GPBP1L1: variants seen among roughly 807,000 people sequenced by gnomAD.
The protein encoded by GPBP1L1 is GC-rich promoter binding protein 1 like 1.
Under a neutral mutation model 52.5 loss-of-function variants are expected in GPBP1L1, and 23 were observed. The observed-to-expected ratio is 0.44, with a 90% CI of 0.32 to 0.62. The LOEUF (loss-of-function observed/expected upper bound fraction) is 0.62. GPBP1L1 is among the 20% of genes least tolerant of loss of function. The pLI is 0.06. For missense variants in GPBP1L1, 596 were observed against 579.3 expected (o/e 1.03, Z -0.30); for synonymous variants, 243 against 203.1 (o/e 1.20, Z -1.67).
At chr1:45,686,745 C>G (rs1201021592), upstream of GPBP1L1, 2 of 152,406 alleles carry the variant, frequency 1.3e-5, no homozygotes, top group Non-Finnish European at 1.5e-5. Context: ...TGCCCCGCCC[C>G]CGGCTCCCTT....
rs780084622 is a variant in GPBP1L1, at chr1:45,627,983, C to T, written c.*273G>A. On this transcript the variant is annotated 3_prime_UTR_variant, in exon 13 of 13. Coordinates refer to ENST00000355105, the MANE Select transcript of GPBP1L1 (RefSeq NM_021639.5). Reference sequence around the variant, plus strand: ...GCACTGCCAGCTCCTACCTGTGCATCGCCCCATATATACTGGGTGTGTATG... The same window carrying T: ...GCACTGCCAGCTCCTACCTGTGCATTGCCCCATATATACTGGGTGTGTATG... 15 of 311,650 alleles carry T rather than the reference C, an allele frequency of 4.8e-5. No individual in the cohort carries two copies. The highest frequency in any genetic ancestry group is 3.2e-4 in the Admixed American group (7 of 21,828). The allele number at this position is 311,650 out of a possible 1,614,324, so 19.3% of individuals were successfully genotyped here. A position where few individuals can be genotyped will look rare whatever the true frequency, so the allele number is the denominator to read the frequency against.
At chr1:45,638,964 C>T (rs12023439) in intron 8 of GPBP1L1, among the ~76,000 whole-genome samples, 41,566 of 151,858 alleles carry the variant, frequency 0.27, 5,897 homozygotes, top group South Asian at 0.36. Context: ...AGGACTAGCA[C>T]ACTATGACCC....
chr1:45,646,744 A>G (rs1028769135), intron 6 of GPBP1L1, among the ~76,000 whole-genome samples: 2 of 151,922 alleles, frequency 1.3e-5, no homozygotes, highest in Non-Finnish European at 2.9e-5. Flanking sequence ...TTTTTAGTAG[A>G]GACAGGGTTT....
chr1:45,664,937 C>G (rs1475522639), intron 2 of GPBP1L1, among the ~76,000 whole-genome samples: 1 of 151,970 alleles, frequency 6.6e-6, no homozygotes, highest in East Asian at 2.0e-4. Context: ...CTGGGCCTCC[C>G]AAAGTGCTGG....
chr1:45,658,904 C>T (rs186240472), intron 4 of GPBP1L1, 124 bp downstream of exon 4: 9 of 716,576 alleles, frequency 1.3e-5, no homozygotes, highest in East Asian at 7.5e-5. Context: ...ATCACACTAC[C>T]GCACTTCATC....
At chr1:45,653,031 A>G (rs1252399070) in intron 6 of GPBP1L1, among the ~76,000 whole-genome samples, 7 of 152,224 alleles carry the variant, frequency 4.6e-5, no homozygotes, top group Non-Finnish European at 1.0e-4. Flanking sequence ...TCAATATGTA[A>G]GGGCAGTATA....
chr1:45,655,411 C>T (rs1644873354), intron 4 of GPBP1L1, 92 bp from the exon 5 acceptor site: 1 of 1,383,182 alleles, frequency 7.2e-7, no homozygotes, highest in Admixed American at 2.0e-5. Flanking sequence ...CTTCAAAAAA[C>T]AAGTAATAAT....
intron 6 of GPBP1L1, among the ~76,000 whole-genome samples, chr1:45,647,757 C>T (rs966574013): frequency 2.0e-5 from 3 of 152,088 alleles, no homozygotes; most frequent in Non-Finnish European, 4.4e-5. Flanking sequence ...GCACGCTTCC[C>T]CAGAGAAGCA....
chr1:45,634,355 T>C, intron 8 of GPBP1L1, 119 bp from the exon 9 acceptor site: 1 of 1,011,580 alleles, frequency 9.9e-7, no homozygotes, highest in Non-Finnish European at 1.4e-6. Flanking sequence ...AGGGCTTACC[T>C]GTCTTAACAT....
chr1:45,630,654 A>G, intron 10 of GPBP1L1, 48 bp from the exon 11 acceptor site: 2 of 1,599,398 alleles, frequency 1.3e-6, no homozygotes, highest in South Asian at 1.1e-5. Flanking sequence ...GTTCCTTTGT[A>G]GTAATATAAG....
chr1:45,652,768 A>G (rs1644834525), intron 6 of GPBP1L1, among the ~76,000 whole-genome samples: 1 of 151,990 alleles, frequency 6.6e-6, no homozygotes, highest in Non-Finnish European at 1.5e-5. Context: ...TCCGCCTCCC[A>G]AGTAGCTGGG....
intron 6 of GPBP1L1, among the ~76,000 whole-genome samples, chr1:45,652,475 A>C (rs1644830186): frequency 6.6e-6 from 1 of 152,176 alleles, no homozygotes; most frequent in African/African-American, 2.4e-5. Flanking sequence ...TTTACTCCAC[A>C]CTATTTCTTG....
chr1:45,636,673 T>G (rs1019428681), intron 8 of GPBP1L1, among the ~76,000 whole-genome samples: 2 of 152,196 alleles, frequency 1.3e-5, no homozygotes, highest in Non-Finnish European at 2.9e-5. Context: ...ACTGGGTAAT[T>G]AGGATGTTTC....
chr1:45,654,452 A>C lies in GPBP1L1; in HGVS notation c.477+91T>G, dbSNP rs111916033. 222 of 1,209,500 alleles carry C rather than the reference A, an allele frequency of 1.8e-4. 1 individual carries two copies. The African/African-American group carries it at 3.1e-3, about 17-fold the overall frequency. 74.9% of individuals were successfully genotyped at this position (1,209,500 alleles called of 1,614,324 possible). A position where few individuals can be genotyped will look rare whatever the true frequency, so the allele number is the denominator to read the frequency against. Reference sequence around the variant, plus strand: ...TCAACTTACAAATTCCTTTTTCTGTAATTTCTGAAATGTTCTCATTACTAA... The same window carrying C: ...TCAACTTACAAATTCCTTTTTCTGTCATTTCTGAAATGTTCTCATTACTAA... On this transcript the variant is annotated intron_variant, in intron 6 of 12. Coordinates refer to ENST00000355105, the MANE Select transcript of GPBP1L1 (RefSeq NM_021639.5).
intron 6 of GPBP1L1, among the ~76,000 whole-genome samples, chr1:45,650,320 T>G (rs896614040): frequency 1.3e-5 from 2 of 152,184 alleles, no homozygotes; most frequent in Admixed American, 6.5e-5. Flanking sequence ...ACCACACTTG[T>G]CAATTTTGAA....
At chr1:45,656,333 C>T (rs1644883958) in intron 4 of GPBP1L1, among the ~76,000 whole-genome samples, 1 of 152,116 alleles carries the variant, frequency 6.6e-6, no homozygotes, top group Non-Finnish European at 1.5e-5. Flanking sequence ...TCCACAAAGC[C>T]ATGAAAATAT....
At chr1:45,642,334 A>G in intron 7 of GPBP1L1, 93 bp downstream of exon 7, 1 of 856,780 alleles carries the variant, frequency 1.2e-6, no homozygotes, top group Non-Finnish European at 2.0e-6. Context: ...GAGATGAGAA[A>G]CAAGAGATAA....
chr1:45,661,206 G>C lies in GPBP1L1; in HGVS notation c.-1078C>G, dbSNP rs1328625055. On this transcript the variant is annotated 5_prime_UTR_variant, in exon 3 of 13. Coordinates refer to ENST00000355105, the MANE Select transcript of GPBP1L1 (RefSeq NM_021639.5). ...TCCACCACTTCACAATCATTTGAAA[G>C]GCCACACGAATCTATCACTCTGTAA... The C allele has an allele frequency of 6.6e-6, 1 of 152,082 alleles. No individual in the cohort carries two copies. Among genetic ancestry groups the C allele is most frequent in the African/African-American group, 2.4e-5 (1 of 41,384 alleles). The allele number at this position is 152,082 out of a possible 1,614,324, so 9.4% of individuals were successfully genotyped here.
Position 45,628,254 on chromosome 1 carries a change from G to A in GPBP1L1, c.*2C>T, listed in dbSNP as rs1159667887. 2 of 1,613,418 alleles carry A rather than the reference G, an allele frequency of 1.2e-6. No individual in the cohort carries two copies. Among genetic ancestry groups the A allele is most frequent in the Admixed American group, 1.7e-5 (1 of 60,000 alleles). On this transcript the variant is annotated 3_prime_UTR_variant, in exon 13 of 13. Coordinates refer to ENST00000355105, the MANE Select transcript of GPBP1L1 (RefSeq NM_021639.5). The stretch of plus-strand genomic sequence containing the variant: ...CAGATTTAACTGTGAGCATTTATAT[G>A]CCTACTTCCAGGCATCGTCATCTGA...
Sources: allele counts gnomAD v4.1 joint callset (sites outside exome capture counted in the v4.1 genomes callset), GRCh38; gene constraint gnomAD v4.1.1; transcripts MANE v1.5; gene names NCBI Gene and HGNC (gene_info 2026-07-23, HGNC 2026-07-21).